COL19A1: variants seen among roughly 807,000 people sequenced by gnomAD.
The protein encoded by COL19A1 is collagen alpha-1(XIX) chain.
A neutral mutation model predicts 190.2 loss-of-function variants in COL19A1; 159 were observed. The observed-to-expected ratio is 0.84, with a 90% CI of 0.73 to 0.95. The LOEUF is 0.95. Ranked by LOEUF, COL19A1 falls within the 40% of genes least tolerant of loss-of-function variation. The pLI is 0.00. For missense variants in COL19A1, 1,418 were observed against 1,431.9 expected (o/e 0.99, Z 0.16); for synonymous variants, 509 against 458.9 (o/e 1.11, Z -1.39).
rs1768032290 is a variant in COL19A1 at position 70,208,785 on chromosome 6, T to C, written c.*1511T>C. ...TTTAGAAAGGCTAGCCCACTGACAT[T>C]GGAAAAAGCTGTGAACAGAGTTGTG... On this transcript the variant is annotated 3_prime_UTR_variant, in exon 51 of 51. Transcript: ENST00000620364. The C allele has an allele frequency of 6.6e-6, 1 of 152,602 alleles. No homozygotes were observed. The highest frequency in any genetic ancestry group is 1.9e-4 in the East Asian group (1 of 5,200). The allele number at this position is 152,602 out of a possible 1,614,324, so 9.5% of individuals were successfully genotyped here.
At chr6:70,136,599 T>C (rs1179415672) in intron 18 of COL19A1, among the ~76,000 whole-genome samples, 1 of 152,200 alleles carries the variant, frequency 6.6e-6, no homozygotes, top group Non-Finnish European at 1.5e-5. Flanking sequence ...TTGTTTATGA[T>C]TCCACATATG....
At chr6:69,985,503 A>G (rs1776263989) in intron 11 of COL19A1, among the ~76,000 whole-genome samples, 1 of 152,066 alleles carries the variant, frequency 6.6e-6, no homozygotes, top group African/African-American at 2.4e-5. Flanking sequence ...GAAAATTAGG[A>G]CCACTTTAAA....
At chr6:70,092,426 C>T (rs1782988721) in intron 15 of COL19A1, among the ~76,000 whole-genome samples, 1 of 152,118 alleles carries the variant, frequency 6.6e-6, no homozygotes, top group African/African-American at 2.4e-5. Flanking sequence ...AGGTCTTAAT[C>T]ATCTTAATAT....
At chr6:69,991,310 TG>T (rs1776608571) in intron 11 of COL19A1, among the ~76,000 whole-genome samples, 1 of 152,134 alleles carries the variant, frequency 6.6e-6, no homozygotes, top group Admixed American at 6.6e-5. Flanking sequence ...GCAGTTAGGT[TG>T]ATTCCATGTC....
intron 42 of COL19A1, among the ~76,000 whole-genome samples, chr6:70,180,040 G>A (rs1192592544): frequency 6.6e-6 from 1 of 152,058 alleles, no homozygotes; most frequent in Non-Finnish European, 1.5e-5. Context: ...GTCCCACCAT[G>A]CCTGGGTAAT....
chr6:70,167,894 T>A, intron 37 of COL19A1, 131 bp from the exon 38 acceptor site: 1 of 634,492 alleles, frequency 1.6e-6, no homozygotes, highest in African/African-American at 1.9e-5. Flanking sequence ...AGTATTAAAT[T>A]CCCTTTGTAA....
rs757772326 is a variant in COL19A1 at position 70,180,461 on chromosome 6, G to T, written c.2713G>T (p.Gly905Cys). The change falls in exon 44 of 51, where the codon GGT becomes TGT. Residue 905 changes from glycine (G) to cysteine (C), a missense_variant and splice_region_variant. Gly to Cys is a radical substitution (Grantham distance 159). Coordinates refer to ENST00000620364, the MANE Select transcript of COL19A1 (RefSeq NM_001858.6). ...TTTGTGTCTGTGGATGTGTTTATAG[G>T]GTGAGAGAGGACCTGTTGGAGATAT... ...PGPPGVPGEP[G>C]ERGPVGDIGF... 4 of 1,613,930 alleles carry T rather than the reference G, an allele frequency of 2.5e-6. No individual in the cohort carries two copies. In the African/African-American group the frequency reaches 5.3e-5, roughly 22 times the overall value.
At chr6:69,878,187 T>TTATATA (rs141143309) in intron 1 of COL19A1, among the ~76,000 whole-genome samples, 5 of 149,870 alleles carry the variant, frequency 3.3e-5, no homozygotes, top group Non-Finnish European at 7.4e-5. Context: ...AGGATAGTAA[T>TTATATA]TATATATATA....
intron 4 of COL19A1, among the ~76,000 whole-genome samples, chr6:69,914,598 C>A (rs1239754992): frequency 6.6e-6 from 1 of 152,080 alleles, no homozygotes; most frequent in Non-Finnish European, 1.5e-5. Flanking sequence ...TCCATTTAGC[C>A]ATTTAATTTT....
intron 14 of COL19A1, among the ~76,000 whole-genome samples, chr6:70,066,002 G>A (rs566513984): frequency 2.0e-5 from 3 of 152,292 alleles, no homozygotes; most frequent in Admixed American, 6.5e-5. Flanking sequence ...CTGTTGGTGG[G>A]ACTGTAAACT....
chr6:69,899,373 G>A lies in COL19A1; in HGVS notation c.166+351G>A, dbSNP rs868237768. 2.6e-5 allele frequency among the ~76,000 whole-genome samples: 4 copies of A among 151,852 alleles called. 1 individual carries two copies. Among genetic ancestry groups the A allele is most frequent in the Admixed American group, 2.0e-4 (3 of 15,258 alleles). ...TTACCATGTTAGCCAGGCTGGTCTCGAGCTCCTGGCCTCAAGTGATCCATC... is the reference window on the plus strand; with the variant it reads ...TTACCATGTTAGCCAGGCTGGTCTCAAGCTCCTGGCCTCAAGTGATCCATC... On this transcript the variant is annotated intron_variant, in intron 3 of 50. Transcript: ENST00000620364.
chr6:70,010,402 G>A (rs536049701), intron 11 of COL19A1, among the ~76,000 whole-genome samples: 1 of 148,256 alleles, frequency 6.7e-6, no homozygotes, highest in African/African-American at 2.5e-5. Flanking sequence ...AGCTCCCAGC[G>A]TGAGCGACGC....
chr6:69,911,102 A>G (rs1285648315), intron 4 of COL19A1, among the ~76,000 whole-genome samples: 3 of 152,236 alleles, frequency 2.0e-5, no homozygotes, highest in South Asian at 4.1e-4. Flanking sequence ...ATAGCATCAA[A>G]TAGTCTAATC....
chr6:69,934,836 A>G (rs1475879264), intron 7 of COL19A1, among the ~76,000 whole-genome samples: 1 of 152,052 alleles, frequency 6.6e-6, no homozygotes, highest in Non-Finnish European at 1.5e-5. Flanking sequence ...AGTTGGAAGG[A>G]TAAATAATTA....
chr6:70,195,131 TTGA>T (rs1419221290), intron 48 of COL19A1, among the ~76,000 whole-genome samples: 3 of 105,050 alleles, frequency 2.9e-5, no homozygotes, highest in African/African-American at 1.4e-4. Context: ...ATATACATCA[TTGA>T]TGATATATAT....
chr6:69,885,406 G>T (rs1768852123), intron 2 of COL19A1, among the ~76,000 whole-genome samples: 2 of 152,104 alleles, frequency 1.3e-5, no homozygotes, highest in South Asian at 4.1e-4. Context: ...CATATTATGG[G>T]ATGGATATAA....
intron 11 of COL19A1, among the ~76,000 whole-genome samples, chr6:70,004,923 C>T (rs989180912): frequency 6.6e-6 from 1 of 151,862 alleles, no homozygotes; most frequent in East Asian, 1.9e-4. Context: ...AGCTCTGCCC[C>T]CCGGGTTCAT....
rs1273150656 is a variant in COL19A1 at position 69,921,646 on chromosome 6, AT to A, written c.267-6262del. ...TATATAGATTCGTATATATTCGTATATAGATTCGTATATATTCGTATGTAGA... is the reference window on the plus strand; with the variant it reads ...TATATAGATTCGTATATATTCGTATAAGATTCGTATATATTCGTATGTAGA... On this transcript the variant is annotated intron_variant, in intron 4 of 50. Coordinates refer to ENST00000620364, the MANE Select transcript of COL19A1 (RefSeq NM_001858.6). Among the ~76,000 whole-genome samples the A allele has an allele frequency of 5.3e-3, 723 of 135,284 alleles. 6 individuals carry two copies. The highest frequency in any genetic ancestry group is 0.017 in the African/African-American group (617 of 35,322). 88.8% of individuals were successfully genotyped at this position (135,284 alleles called of 152,430 possible). A position where few individuals can be genotyped will look rare whatever the true frequency, so the allele number is the denominator to read the frequency against.
At chr6:70,062,699 A>C (rs996599238) in intron 14 of COL19A1, among the ~76,000 whole-genome samples, 1 of 152,190 alleles carries the variant, frequency 6.6e-6, no homozygotes, top group African/African-American at 2.4e-5. Context: ...TTGGATAAAG[A>C]GTCAAGACCC....
Sources: gnomAD v4.1 joint callset for allele counts (sites outside exome capture counted in the v4.1 genomes callset) on GRCh38, gnomAD v4.1.1 for gene constraint, MANE v1.5 for transcripts, NCBI Gene and HGNC (gene_info 2026-07-23, HGNC 2026-07-21) for gene names.